The following C14orf132 variants were observed in gnomAD, a reference collection of about 807,000 sequenced individuals.
C14orf132 encodes chromosome 14 open reading frame 132.
C14orf132 carries 6 observed loss-of-function variants against 5.8 expected under a neutral mutation model. The ratio of observed to expected loss-of-function variants is 1.03; its 90% CI spans 0.57 to 2.04. C14orf132 has a LOEUF of 2.04. Among genes scored for constraint, C14orf132 ranks in the 30% most tolerant of loss-of-function variants. The pLI, the probability that C14orf132 is intolerant of heterozygous loss-of-function variation, is 0.00. For missense variants in C14orf132, 125 were observed against 115.8 expected (o/e 1.08, Z -0.37); for synonymous variants, 51 against 49.8 (o/e 1.02, Z -0.10).
At chr14:96,044,497 A>G (rs1886782493) in intron 1 of C14orf132, among the ~76,000 whole-genome samples, 1 of 152,218 alleles carries the variant, frequency 6.6e-6, no homozygotes, top group African/African-American at 2.4e-5. Context: ...TTTTTAAACA[A>G]ATTCTTGAAC....
At chr14:96,082,145 C>T (rs1453996513) in intron 1 of C14orf132, among the ~76,000 whole-genome samples, 1 of 152,198 alleles carries the variant, frequency 6.6e-6, no homozygotes, top group African/African-American at 2.4e-5. Context: ...GAGTCAAAAC[C>T]TCATCCAAGA....
At chr14:96,043,075 GC>G (rs1886736085) in intron 1 of C14orf132, among the ~76,000 whole-genome samples, 1 of 152,168 alleles carries the variant, frequency 6.6e-6, no homozygotes, top group African/African-American at 2.4e-5. Context: ...GGACATGCTT[GC>G]TGCCCACCAC....
At chr14:96,048,794 G>A (rs1886910679) in intron 1 of C14orf132, among the ~76,000 whole-genome samples, 2 of 152,118 alleles carry the variant, frequency 1.3e-5, no homozygotes, top group Admixed American at 1.3e-4. Context: ...CCAAAGTGCT[G>A]GGATTACAGG....
In C14orf132 at chr14:96,039,400, G is replaced by C; in HGVS notation, c.-101G>C. The stretch of plus-strand genomic sequence containing the variant: ...CAGCCGAGTGCGCCGTGCGGTCTCC[G>C]GACGCTCGCTGCTCAGCCCGATCCC... On this transcript the variant is annotated 5_prime_UTR_variant, in exon 1 of 2. Coordinates refer to ENST00000555004, the MANE Select transcript of C14orf132 (RefSeq NM_001252507.3). This position sits in a 1 kb window ranked among gnomAD's most constrained non-coding sequence, Gnocchi z 5.3. 8.1e-7 allele frequency: 1 copy of C among 1,237,194 alleles called. No individual in the cohort carries two copies. The highest frequency in any genetic ancestry group is 1.9e-5 in the South Asian group (1 of 53,392). The allele number at this position is 1,237,194 out of a possible 1,614,324, so 76.6% of individuals were successfully genotyped here. A position where few individuals can be genotyped will look rare whatever the true frequency, so the allele number is the denominator to read the frequency against.
chr14:96,049,649 TATATAG>T (rs1566823971), intron 1 of C14orf132, among the ~76,000 whole-genome samples: 1 of 79,624 alleles, frequency 1.3e-5, no homozygotes, highest in African/African-American at 4.5e-5. Context: ...CGTATATATA[TATATAG>T]AGAGAGAGAG....
intron 1 of C14orf132, among the ~76,000 whole-genome samples, chr14:96,075,752 G>A (rs934543147): frequency 3.3e-5 from 5 of 152,090 alleles, no homozygotes; most frequent in African/African-American, 1.2e-4. Context: ...TTTGGATGTT[G>A]AATATTTGAA....
chr14:96,090,492 G>A lies in C14orf132; in HGVS notation c.*3757G>A, dbSNP rs1282936249. Reference sequence around the variant, plus strand: ...GGTCTTTGAGAAGAGGCCAGACGCCGCTGTAGCCAGGCCTGTCTTAAGAGG... The same window carrying A: ...GGTCTTTGAGAAGAGGCCAGACGCCACTGTAGCCAGGCCTGTCTTAAGAGG... On this transcript the variant is annotated 3_prime_UTR_variant, in exon 2 of 2. Transcript: ENST00000555004. 1.5e-5 allele frequency: 6 copies of A among 400,856 alleles called. No individual in the cohort carries two copies. Among genetic ancestry groups the A allele is most frequent in the African/African-American group, 6.2e-5 (3 of 48,214 alleles). The allele number at this position is 400,856 out of a possible 1,614,324, so 24.8% of individuals were successfully genotyped here.
intron 1 of C14orf132, among the ~76,000 whole-genome samples, chr14:96,065,029 C>T (rs1057424943): frequency 6.6e-6 from 1 of 152,126 alleles, no homozygotes; most frequent in Admixed American, 6.5e-5. Context: ...GTGCTGTCTT[C>T]CTCCCATACA....
At chr14:96,072,385 C>A (rs1208878156) in intron 1 of C14orf132, among the ~76,000 whole-genome samples, 1 of 152,166 alleles carries the variant, frequency 6.6e-6, no homozygotes, top group Non-Finnish European at 1.5e-5. Context: ...GTGGGAAGGC[C>A]ACCACCACCT....
chr14:96,050,415 G>A (rs917810668), intron 1 of C14orf132, among the ~76,000 whole-genome samples: 2 of 152,120 alleles, frequency 1.3e-5, no homozygotes, highest in African/African-American at 2.4e-5. Context: ...TTTTCAAGAT[G>A]GGTGATGGAA....
chr14:96,062,879 G>A (rs182328405), intron 1 of C14orf132, among the ~76,000 whole-genome samples: 2 of 152,140 alleles, frequency 1.3e-5, no homozygotes, highest in Middle Eastern at 3.4e-3. Context: ...CAACAAACAG[G>A]TTACTTATGG....
chr14:96,048,618 C>G (rs906237880), intron 1 of C14orf132, among the ~76,000 whole-genome samples: 73 of 151,990 alleles, frequency 4.8e-4, no homozygotes, highest in African/African-American at 1.7e-3. Flanking sequence ...TCTGCCCCCC[C>G]GGGTTCAAGT....
At chr14:96,070,041 G>A (rs1295262863) in intron 1 of C14orf132, among the ~76,000 whole-genome samples, 2 of 152,166 alleles carry the variant, frequency 1.3e-5, no homozygotes, top group Non-Finnish European at 2.9e-5. Flanking sequence ...CCTGCCCCAG[G>A]AAGAGGGGCC....
chr14:96,049,630 ACATATATAC>A (rs1886964244), intron 1 of C14orf132, among the ~76,000 whole-genome samples: 9 of 78,508 alleles, frequency 1.1e-4, no homozygotes, highest in African/African-American at 3.7e-4. Flanking sequence ...GTATATATAT[ACATATATAC>A]GTATATATAT....
intron 1 of C14orf132, among the ~76,000 whole-genome samples, chr14:96,062,059 C>G (rs12050247): frequency 0.59 from 90,296 of 152,040 alleles, 27,626 homozygotes; most frequent in East Asian, 0.87. Flanking sequence ...GTTAGTCAAA[C>G]TTTCTGAGGA....
At chr14:96,064,205 C>A (rs1300461791) in intron 1 of C14orf132, among the ~76,000 whole-genome samples, 3 of 151,846 alleles carry the variant, frequency 2.0e-5, no homozygotes, top group Admixed American at 6.6e-5. Flanking sequence ...TCCAGCAATC[C>A]CAGTACTGTG....
rs1470698062 is a variant in C14orf132 at position 96,093,809 on chromosome 14, G to T, written c.*7074G>T. The T allele has an allele frequency of 6.6e-6, 1 of 152,192 alleles. No individual in the cohort carries two copies. Among genetic ancestry groups the T allele is most frequent in the Non-Finnish European group, 1.5e-5 (1 of 68,032 alleles). The allele number at this position is 152,192 out of a possible 1,614,324, so 9.4% of individuals were successfully genotyped here. A position where few individuals can be genotyped will look rare whatever the true frequency, so the allele number is the denominator to read the frequency against. Reference sequence around the variant, plus strand: ...CCTTAAAAGACGTAAAAATGTATCTGTGAAATCTCACTTTGTTAGCGTTGC... The same window carrying T: ...CCTTAAAAGACGTAAAAATGTATCTTTGAAATCTCACTTTGTTAGCGTTGC... On this transcript the variant is annotated 3_prime_UTR_variant, in exon 2 of 2. Coordinates refer to ENST00000555004, the MANE Select transcript of C14orf132 (RefSeq NM_001252507.3).
intron 1 of C14orf132, among the ~76,000 whole-genome samples, chr14:96,081,003 T>C (rs1293146829): frequency 1.3e-5 from 2 of 152,236 alleles, no homozygotes; most frequent in Admixed American, 1.3e-4. Context: ...CTGACCAGAA[T>C]AGGCCATTTA....
chr14:96,077,590 A>T (rs776439687), intron 1 of C14orf132, among the ~76,000 whole-genome samples: 18 of 152,106 alleles, frequency 1.2e-4, no homozygotes, highest in Non-Finnish European at 2.1e-4. Context: ...CCTTACCGAC[A>T]CCTTGATCTT....
Sources: gnomAD v4.1 joint callset for allele counts (sites outside exome capture counted in the v4.1 genomes callset) on GRCh38, gnomAD v4.1.1 for gene constraint, Gnocchi (gnomAD v3.1) non-coding constraint, MANE v1.5 for transcripts, NCBI Gene and HGNC (gene_info 2026-07-23, HGNC 2026-07-21) for gene names.